TTL: variants seen among roughly 807,000 people sequenced by gnomAD.
TTL encodes the protein tubulin tyrosine ligase.
TTL carries 10 observed loss-of-function variants against 41.1 expected under a neutral mutation model. That is an observed-to-expected ratio of 0.24 (90% CI 0.15 to 0.41). The LOEUF (loss-of-function observed/expected upper bound fraction) is 0.41, where lower values mean the gene tolerates loss of function less well. Among genes scored for constraint, TTL ranks in the 10% least tolerant of loss-of-function variants. The pLI, the probability that TTL is intolerant of heterozygous loss-of-function variation, is 1.00. For missense variants in TTL, 367 were observed against 460.4 expected (o/e 0.80, Z 1.86); for synonymous variants, 175 against 175.5 (o/e 1.00, Z 0.02).
In TTL at chr2:112,532,607, C is replaced by A. The variant is rs772392191; in HGVS notation, c.*3812C>A. ...CTCTAGCTTGAGCAACAGAGCAAGA[C>A]CCTGTCTCAAAAGTAAATAAATAAT... On this transcript the variant is annotated 3_prime_UTR_variant, in exon 7 of 7. Coordinates refer to ENST00000233336, the MANE Select transcript of TTL (RefSeq NM_153712.5). 3.7e-5 allele frequency: 7 copies of A among 189,620 alleles called. No homozygotes were observed. Among genetic ancestry groups the A allele is most frequent in the Non-Finnish European group, 7.8e-5 (7 of 90,260 alleles). The allele number at this position is 189,620 out of a possible 1,614,324, so 11.7% of individuals were successfully genotyped here. A position where few individuals can be genotyped will look rare whatever the true frequency, so the allele number is the denominator to read the frequency against.
At chr2:112,511,333 C>T (rs916524882) in intron 5 of TTL, among the ~76,000 whole-genome samples, 1 of 151,614 alleles carries the variant, frequency 6.6e-6, no homozygotes, top group South Asian at 2.1e-4. Context: ...CTATTTATTA[C>T]TCTTGATCTT....
At chr2:112,489,386 G>C (rs1681322832) in intron 2 of TTL, among the ~76,000 whole-genome samples, 1 of 152,136 alleles carries the variant, frequency 6.6e-6, no homozygotes, top group Non-Finnish European at 1.5e-5. Context: ...AAAGCCAGAA[G>C]ATCTATTTCC....
intron 6 of TTL, among the ~76,000 whole-genome samples, chr2:112,524,284 A>T (rs2104476926): frequency 6.6e-6 from 1 of 152,328 alleles, no homozygotes. Context: ...TAGCAGCATG[A>T]TTTATAATCC....
chr2:112,524,316 G>A lies in TTL; in HGVS notation c.1019+3891G>A, dbSNP rs184840645. On this transcript the variant is annotated intron_variant, in intron 6 of 6. Transcript: ENST00000233336. ...ATCCTTTGGGTATATACCCAGTAATGGGATGGCTGGGTCAAATGGTATTTC... is the reference window on the plus strand; with the variant it reads ...ATCCTTTGGGTATATACCCAGTAATAGGATGGCTGGGTCAAATGGTATTTC... 3.5e-4 allele frequency among the ~76,000 whole-genome samples: 53 copies of A among 152,302 alleles called. 1 individual carries two copies. Among genetic ancestry groups the A allele is most frequent in the Non-Finnish European group, 1.5e-4 (10 of 68,034 alleles).
At chr2:112,521,535 G>T (rs1019644940) in intron 6 of TTL, among the ~76,000 whole-genome samples, 1 of 152,198 alleles carries the variant, frequency 6.6e-6, no homozygotes, top group African/African-American at 2.4e-5. Context: ...TGCAAGGGAC[G>T]ATGTCAACAC....
chr2:112,536,077 A>G lies in TTL; in HGVS notation c.*7282A>G, dbSNP rs1170582897. The G allele has an allele frequency of 6.6e-6, 1 of 152,208 alleles. No individual in the cohort carries two copies. The highest frequency in any genetic ancestry group is 1.9e-4 in the East Asian group (1 of 5,206). 9.4% of individuals were successfully genotyped at this position (152,208 alleles called of 1,614,324 possible). ...AGTTCCATCCATGTTGTTGGAAGTG[A>G]CAGGATCTCACTCTTTATGGCTGAA... is the stretch of plus-strand genomic sequence containing the variant. On this transcript the variant is annotated 3_prime_UTR_variant, in exon 7 of 7. Coordinates refer to ENST00000233336, the MANE Select transcript of TTL (RefSeq NM_153712.5).
In TTL at chr2:112,529,341, A is replaced by T; in HGVS notation, c.*546A>T. ...GGTGGTTTCCCTCATCACCTTCCTGATGGTGTTTGGTCAGTCACCTGTCAG... is the reference window on the plus strand; with the variant it reads ...GGTGGTTTCCCTCATCACCTTCCTGTTGGTGTTTGGTCAGTCACCTGTCAG... On this transcript the variant is annotated 3_prime_UTR_variant, in exon 7 of 7. Transcript: ENST00000233336. The T allele has an allele frequency of 4.3e-6, 1 of 231,618 alleles. No homozygotes were observed. The allele number at this position is 231,618 out of a possible 1,614,324, so 14.3% of individuals were successfully genotyped here. A position where few individuals can be genotyped will look rare whatever the true frequency, so the allele number is the denominator to read the frequency against.
intron 2 of TTL, among the ~76,000 whole-genome samples, chr2:112,487,451 A>G (rs1041756361): frequency 1.3e-5 from 2 of 152,262 alleles, no homozygotes; most frequent in African/African-American, 4.8e-5. Flanking sequence ...TTAAATATTT[A>G]TTAAACCTCT....
In TTL at chr2:112,530,045, C is replaced by T. The variant is rs533224210; in HGVS notation, c.*1250C>T. On this transcript the variant is annotated 3_prime_UTR_variant, in exon 7 of 7. Transcript: ENST00000233336. Reference sequence around the variant, plus strand: ...TTGTGTTCAGTGTAAGCTGAGTAAACAGGCCCTTCCTAGAGTGTCCTGGAA... The same window carrying T: ...TTGTGTTCAGTGTAAGCTGAGTAAATAGGCCCTTCCTAGAGTGTCCTGGAA... 4.6e-4 allele frequency: 107 copies of T among 230,270 alleles called. No individual in the cohort carries two copies. The highest frequency in any genetic ancestry group is 2.2e-3 in the African/African-American group (98 of 45,278). The allele number at this position is 230,270 out of a possible 1,614,324, so 14.3% of individuals were successfully genotyped here.
At chr2:112,492,678 C>T (rs1336408640) in intron 2 of TTL, among the ~76,000 whole-genome samples, 3 of 151,576 alleles carry the variant, frequency 2.0e-5, no homozygotes, top group Non-Finnish European at 2.9e-5. Context: ...TGCAGTGAGC[C>T]GAGGTCGCGC....
chr2:112,496,921 C>T (rs1423979655), intron 3 of TTL, among the ~76,000 whole-genome samples: 2 of 151,796 alleles, frequency 1.3e-5, no homozygotes, highest in African/African-American at 4.8e-5. Context: ...CCCAGGTTCA[C>T]GCCATTCTCC....
At chr2:112,519,837 AAG>A (rs1682171649) in intron 5 of TTL, among the ~76,000 whole-genome samples, 10 of 152,186 alleles carry the variant, frequency 6.6e-5, no homozygotes, top group Admixed American at 6.5e-4. Flanking sequence ...ATAAGTTGAA[AAG>A]AGAGAATTAG....
At chr2:112,521,656 C>CTT (rs1195086797) in intron 6 of TTL, among the ~76,000 whole-genome samples, 13 of 152,160 alleles carry the variant, frequency 8.5e-5, no homozygotes, top group Non-Finnish European at 1.8e-4. Context: ...CCGATAAGTG[C>CTT]TTATCAGGTG....
At chr2:112,521,303 G>A (rs1559019788) in intron 6 of TTL, 1 of 985,270 alleles carries the variant, frequency 1.0e-6, no homozygotes, top group African/African-American at 1.7e-5. Flanking sequence ...AAGGCTGGTT[G>A]TAGCATGAGC....
intron 1 of TTL, among the ~76,000 whole-genome samples, chr2:112,484,750 G>A (rs749752158): frequency 5.3e-5 from 8 of 152,102 alleles, no homozygotes; most frequent in Non-Finnish European, 8.8e-5. Context: ...GGCAGTTCAG[G>A]TGGGAATCAG....
Position 112,537,559 on chromosome 2 carries a change from G to C in TTL, c.*8764G>C, listed in dbSNP as rs1419814123. ...CTGGCGTGAGATGATATCTTATTGT[G>C]GTTGTGATTTCCATTTCTCTGTTGA... is the stretch of plus-strand genomic sequence containing the variant. On this transcript the variant is annotated 3_prime_UTR_variant, in exon 7 of 7. Coordinates refer to ENST00000233336, the MANE Select transcript of TTL (RefSeq NM_153712.5). The C allele has an allele frequency of 6.6e-6, 1 of 152,094 alleles. No individual in the cohort carries two copies. Among genetic ancestry groups the C allele is most frequent in the Non-Finnish European group, 1.5e-5 (1 of 68,032 alleles). 9.4% of individuals were successfully genotyped at this position (152,094 alleles called of 1,614,324 possible).
chr2:112,524,137 T>C (rs192834898), intron 6 of TTL, among the ~76,000 whole-genome samples: 77 of 152,356 alleles, frequency 5.1e-4, no homozygotes, highest in Non-Finnish European at 8.2e-4. Context: ...TCCTTTCTTA[T>C]GGCTGCATAG....
Position 112,539,298 on chromosome 2 carries a change from A to G in TTL, c.*10503A>G, listed in dbSNP as rs1014961911. The G allele has an allele frequency of 1.3e-5, 2 of 152,062 alleles. No homozygotes were observed. The highest frequency in any genetic ancestry group is 2.9e-5 in the Non-Finnish European group (2 of 68,024). 9.4% of individuals were successfully genotyped at this position (152,062 alleles called of 1,614,324 possible). On this transcript the variant is annotated 3_prime_UTR_variant, in exon 7 of 7. Transcript: ENST00000233336. ...ATATACCTTTGTAACAAATTCGCAC[A>G]TGTACCCCCCTGATTCTAAAATAAA...
chr2:112,503,082 G>A lies in TTL; in HGVS notation c.776G>A (p.Gly259Glu). 1 of 1,613,780 alleles carries A rather than the reference G, an allele frequency of 6.2e-7. No individual in the cohort carries two copies. The highest frequency in any genetic ancestry group is 8.5e-7 in the Non-Finnish European group (1 of 1,179,934). Residue 259 changes from glycine to glutamate, a missense_variant, in exon 5 of 7, where the codon GGA becomes GAA. Coordinates refer to ENST00000233336, the MANE Select transcript of TTL (RefSeq NM_153712.5). ...YSKNYGKYEEGNEMFFKEFNQ... is the reference protein window; with the variant it reads ...YSKNYGKYEEENEMFFKEFNQ... The stretch of plus-strand genomic sequence containing the variant: ...AAGAACTACGGGAAGTATGAAGAAG[G>A]AAATGAAATGTTCTTCAAGGAGTTC...
Sources: allele counts gnomAD v4.1 joint callset (sites outside exome capture counted in the v4.1 genomes callset), GRCh38; gene constraint gnomAD v4.1.1; transcripts MANE v1.5; gene names NCBI Gene and HGNC (gene_info 2026-07-23, HGNC 2026-07-21).